BICC1: variants seen among roughly 807,000 people sequenced by gnomAD.
BICC1 encodes the protein protein bicaudal C homolog 1.
In BICC1, 43 loss-of-function variants were observed where a neutral mutation model predicts 111.0. That is an observed-to-expected ratio of 0.39 (90% CI 0.30 to 0.50). The LOEUF (loss-of-function observed/expected upper bound fraction) is 0.50. Ranked by LOEUF, BICC1 falls within the 20% of genes least tolerant of loss-of-function variation. BICC1 has a pLI of 0.88. For synonymous variants in BICC1, 467 were observed against 434.4 expected (o/e 1.07, Z -0.93); for missense variants, 1,091 against 1,203.2 (o/e 0.91, Z 1.38).
At chr10:58,808,291 G>C (rs1843777263) in intron 17 of BICC1, among the ~76,000 whole-genome samples, 1 of 152,124 alleles carries the variant, frequency 6.6e-6, no homozygotes, top group Admixed American at 6.5e-5. Flanking sequence ...TTATAACACA[G>C]AGAGAAAATA....
At chr10:58,618,052 C>A (rs1294949365) in intron 1 of BICC1, among the ~76,000 whole-genome samples, 1 of 152,218 alleles carries the variant, frequency 6.6e-6, no homozygotes, top group Non-Finnish European at 1.5e-5. Context: ...ACTCCCTCTG[C>A]CTAGGGGGTG....
intron 15 of BICC1, among the ~76,000 whole-genome samples, chr10:58,805,060 G>A (rs1407694618): frequency 4.6e-5 from 7 of 152,124 alleles, no homozygotes; most frequent in African/African-American, 1.7e-4. Flanking sequence ...TGGGAAGCCA[G>A]GGTGGGCAGA....
intron 3 of BICC1, among the ~76,000 whole-genome samples, chr10:58,759,777 G>A (rs1180459353): frequency 6.6e-6 from 1 of 151,942 alleles, no homozygotes; most frequent in Non-Finnish European, 1.5e-5. Context: ...GGCTAACACG[G>A]TGAAACCCCG....
intron 2 of BICC1, among the ~76,000 whole-genome samples, chr10:58,647,806 G>A (rs908578926): frequency 6.6e-6 from 1 of 151,956 alleles, no homozygotes; most frequent in African/African-American, 2.4e-5. Flanking sequence ...GTATAATCAC[G>A]TAAAGGAAGC....
chr10:58,776,115 G>A (rs1842742492), intron 3 of BICC1, among the ~76,000 whole-genome samples: 1 of 152,166 alleles, frequency 6.6e-6, no homozygotes, highest in African/African-American at 2.4e-5. Flanking sequence ...CTCTTCAAGA[G>A]ACAGGTTTTC....
intron 2 of BICC1, among the ~76,000 whole-genome samples, chr10:58,689,849 G>A (rs1253318046): frequency 2.0e-5 from 3 of 152,190 alleles, no homozygotes; most frequent in Non-Finnish European, 4.4e-5. Context: ...AAATTGGTCA[G>A]ATGGGTAAGG....
At chr10:58,669,427 A>G (rs1416580561) in intron 2 of BICC1, among the ~76,000 whole-genome samples, 1 of 152,150 alleles carries the variant, frequency 6.6e-6, no homozygotes, top group Non-Finnish European at 1.5e-5. Context: ...ATGAGTTTTA[A>G]TTAAAAGGAC....
chr10:58,525,484 T>C lies in BICC1; in HGVS notation c.190+12151T>C, dbSNP rs1259110837. 5.0e-3 allele frequency among the ~76,000 whole-genome samples: 648 copies of C among 129,468 alleles called. 4 individuals are homozygous for C. The highest frequency in any genetic ancestry group is 8.0e-3 in the Non-Finnish European group (491 of 61,574). The allele number at this position is 129,468 out of a possible 152,430, so 84.9% of individuals were successfully genotyped here. On this transcript the variant is annotated intron_variant, in intron 1 of 20. Coordinates refer to ENST00000373886, the MANE Select transcript of BICC1 (RefSeq NM_001080512.3). ...AGGACAGAAAACCAAACACCGCATG[T>C]TCTCACTCATAGGTGGGAATTGAAC...
intron 1 of BICC1, among the ~76,000 whole-genome samples, chr10:58,615,517 C>T (rs1339782976): frequency 1.3e-5 from 2 of 152,168 alleles, no homozygotes; most frequent in South Asian, 4.1e-4. Flanking sequence ...GGTATAATTA[C>T]CCTGCTGACA....
intron 3 of BICC1, among the ~76,000 whole-genome samples, chr10:58,703,445 A>T (rs1840299020): frequency 6.6e-6 from 1 of 152,080 alleles, no homozygotes; most frequent in African/African-American, 2.4e-5. Context: ...TACAGGTGTG[A>T]GCCACCGCAC....
intron 1 of BICC1, among the ~76,000 whole-genome samples, chr10:58,592,597 C>G (rs1434377261): frequency 6.6e-6 from 1 of 151,854 alleles, no homozygotes; most frequent in African/African-American, 2.4e-5. Context: ...TGCCTGTAGT[C>G]CCAGCTACTT....
intron 2 of BICC1, among the ~76,000 whole-genome samples, chr10:58,680,853 C>T (rs1839497931): frequency 6.6e-6 from 1 of 152,186 alleles, no homozygotes; most frequent in Non-Finnish European, 1.5e-5. Flanking sequence ...GAACAGAGGC[C>T]TCTGAAATAG....
At chr10:58,753,392 C>T (rs990698035) in intron 3 of BICC1, among the ~76,000 whole-genome samples, 4 of 152,120 alleles carry the variant, frequency 2.6e-5, no homozygotes, top group African/African-American at 9.7e-5. Context: ...TGTCTCAAAC[C>T]TCCAGGGCTC....
chr10:58,738,209 T>C (rs1841536721), intron 3 of BICC1, among the ~76,000 whole-genome samples: 1 of 152,244 alleles, frequency 6.6e-6, no homozygotes, highest in Non-Finnish European at 1.5e-5. Context: ...TTCTAGGGTT[T>C]TTATGGTTTT....
intron 1 of BICC1, among the ~76,000 whole-genome samples, chr10:58,552,669 A>G (rs567569888): frequency 5.9e-5 from 9 of 152,244 alleles, no homozygotes; most frequent in East Asian, 1.9e-4. Context: ...GCTATGTCAT[A>G]TAGTATTTTG....
At chr10:58,570,316 A>G (rs1369942078) in intron 1 of BICC1, among the ~76,000 whole-genome samples, 2 of 152,170 alleles carry the variant, frequency 1.3e-5, no homozygotes, top group African/African-American at 2.4e-5. Flanking sequence ...GTTATCTCCT[A>G]TTTTGCCCTG....
At chr10:58,587,173 T>C (rs144235971) in intron 1 of BICC1, among the ~76,000 whole-genome samples, 1 of 152,306 alleles carries the variant, frequency 6.6e-6, no homozygotes, top group Non-Finnish European at 1.5e-5. Context: ...GGTCCTTCCG[T>C]CTTCTTCTGT....
chr10:58,777,313 C>T (rs1842773860), intron 3 of BICC1, among the ~76,000 whole-genome samples: 1 of 152,024 alleles, frequency 6.6e-6, no homozygotes, highest in Admixed American at 6.6e-5. Flanking sequence ...GCATTTCCTC[C>T]TGAAGTTGAA....
intron 1 of BICC1, among the ~76,000 whole-genome samples, chr10:58,551,500 C>A (rs2131915765): frequency 6.6e-6 from 1 of 152,262 alleles, no homozygotes; most frequent in South Asian, 2.1e-4. Flanking sequence ...GTGGTGAACA[C>A]ATTTAAAATC....
Sources: gnomAD v4.1 joint callset for allele counts (sites outside exome capture counted in the v4.1 genomes callset) on GRCh38, gnomAD v4.1.1 for gene constraint, MANE v1.5 for transcripts, NCBI Gene and HGNC (gene_info 2026-07-23, HGNC 2026-07-21) for gene names.